The following PLEKHA5 variants were observed in gnomAD, a reference collection of about 807,000 sequenced individuals.
The protein encoded by PLEKHA5 is pleckstrin homology domain containing A5.
In PLEKHA5, 55 loss-of-function variants were observed where a neutral mutation model predicts 181.9. That is an observed-to-expected ratio of 0.30 (90% CI 0.24 to 0.38). The LOEUF is 0.38. PLEKHA5 is among the 10% of genes least tolerant of loss of function. PLEKHA5 has a pLI of 1.00. For missense variants in PLEKHA5, 1,432 were observed against 1,549.5 expected (o/e 0.92, Z 1.27); for synonymous variants, 535 against 529.4 (o/e 1.01, Z -0.15).
At chr12:19,150,525 T>A (rs2040131360) in intron 3 of PLEKHA5, 1 of 152,262 alleles carries the variant, frequency 6.6e-6, no homozygotes, top group Non-Finnish European at 1.5e-5. Context: ...CCTTGTGATA[T>A]GAGCCTCACA....
intron 3 of PLEKHA5, among the ~76,000 whole-genome samples, chr12:19,159,787 T>G (rs372683615): frequency 6.6e-6 from 1 of 152,136 alleles, no homozygotes; most frequent in East Asian, 1.9e-4. Context: ...TTTGAAAAAT[T>G]GAAATAAATA....
At chr12:19,366,593 C>A (rs1037986135) in intron 30 of PLEKHA5, among the ~76,000 whole-genome samples, 8 of 152,084 alleles carry the variant, frequency 5.3e-5, no homozygotes, top group Non-Finnish European at 1.2e-4. Context: ...GCGGAGGTTG[C>A]AGTGAGCCGA....
At chr12:19,253,550 C>A (rs894608702) in intron 3 of PLEKHA5, among the ~76,000 whole-genome samples, 6 of 151,980 alleles carry the variant, frequency 3.9e-5, no homozygotes, top group African/African-American at 9.7e-5. Context: ...GGTGCCGTGT[C>A]TCATGCCTGT....
rs556473272 is a variant in PLEKHA5, at chr12:19,254,543, G to A, written c.312-502G>A. ...CTATTATAAATAAACATGATAGGCCGGGCACAGTGGCTCACGCCTGTAATC... is the reference window on the plus strand; with the variant it reads ...CTATTATAAATAAACATGATAGGCCAGGCACAGTGGCTCACGCCTGTAATC... On this transcript the variant is annotated intron_variant, in intron 4 of 31. Coordinates refer to ENST00000429027, the MANE Select transcript of PLEKHA5 (RefSeq NM_001256470.2). Among the ~76,000 whole-genome samples the A allele has an allele frequency of 1.4e-4, 21 of 152,190 alleles. No individual in the cohort carries two copies. In the South Asian group the frequency reaches 1.5e-3, roughly 11 times the overall value.
intron 20 of PLEKHA5, among the ~76,000 whole-genome samples, chr12:19,328,618 T>C (rs1227624349): frequency 6.6e-6 from 1 of 151,590 alleles, no homozygotes; most frequent in Non-Finnish European, 1.5e-5. Flanking sequence ...GGAATTGCAT[T>C]CTTGATTTGG....
chr12:19,164,508 T>G (rs1204332693), intron 3 of PLEKHA5, among the ~76,000 whole-genome samples: 2 of 152,190 alleles, frequency 1.3e-5, no homozygotes, highest in African/African-American at 4.8e-5. Context: ...CCAGATTATT[T>G]TTTTAATAGC....
Position 19,129,784 on chromosome 12 carries a change from C to T in PLEKHA5, c.-16C>T, listed in dbSNP as rs761278191. On this transcript the variant is annotated 5_prime_UTR_variant, in exon 1 of 32. Transcript: ENST00000429027. ...CGGCAGCAGGAGAAGGCGGCGGCGG[C>T]GGCTAGGGATCAGACATGGCGGCGG... 1.3e-6 allele frequency: 2 copies of T among 1,582,408 alleles called. No individual in the cohort carries two copies. The highest frequency in any genetic ancestry group is 1.7e-6 in the Non-Finnish European group (2 of 1,162,196).
At chr12:19,229,402 T>C (rs1383432671) in intron 3 of PLEKHA5, among the ~76,000 whole-genome samples, 1 of 152,156 alleles carries the variant, frequency 6.6e-6, no homozygotes, top group Non-Finnish European at 1.5e-5. Flanking sequence ...GTTCGGAGTT[T>C]CTTCCTTCTG....
intron 15 of PLEKHA5, among the ~76,000 whole-genome samples, chr12:19,304,318 T>C (rs2082507387): frequency 6.6e-6 from 1 of 152,118 alleles, no homozygotes; most frequent in African/African-American, 2.4e-5. Context: ...GGCAAGAGAA[T>C]CGATTGAACC....
chr12:19,156,722 A>G (rs1413819152), intron 3 of PLEKHA5, among the ~76,000 whole-genome samples: 1 of 151,880 alleles, frequency 6.6e-6, no homozygotes, highest in Non-Finnish European at 1.5e-5. Flanking sequence ...TAGGTTAAGC[A>G]TTGACTATAT....
At position 19,276,405 on chromosome 12, in the gene PLEKHA5, T is replaced by C. The variant is rs577546392; in HGVS notation, c.1313+1422T>C. Among the ~76,000 whole-genome samples the C allele has an allele frequency of 1.2e-4, 18 of 152,302 alleles. No homozygotes were observed. In the East Asian group the frequency reaches 3.5e-3, roughly 29 times the overall value. On this transcript the variant is annotated intron_variant, in intron 11 of 31. Transcript: ENST00000429027. ...AAACTCGTCTTGCTCAAGATTAAGT[T>C]TGGTGCCGGGCAAGGTGGCTTGAGT...
At chr12:19,184,166 A>G (rs1679782013) in intron 3 of PLEKHA5, among the ~76,000 whole-genome samples, 3 of 152,198 alleles carry the variant, frequency 2.0e-5, no homozygotes, top group South Asian at 4.1e-4. Flanking sequence ...TCCTCGGGGA[A>G]TGGCTATGAA....
rs1322899883 is a variant in PLEKHA5, at chr12:19,320,065, G to A, written c.2154+9G>A. On this transcript the variant is annotated intron_variant, in intron 17 of 31. Coordinates refer to ENST00000429027, the MANE Select transcript of PLEKHA5 (RefSeq NM_001256470.2). ...AGATAAGTCTATATTGTGTATGTGT[G>A]TTTATATATTATATATATGTATACA... 3 of 979,980 alleles carry A rather than the reference G, an allele frequency of 3.1e-6. No individual in the cohort carries two copies. Among genetic ancestry groups the A allele is most frequent in the Non-Finnish European group, 4.5e-6 (3 of 667,518 alleles). The allele number at this position is 979,980 out of a possible 1,614,324, so 60.7% of individuals were successfully genotyped here.
rs1565847943 is a variant in PLEKHA5, at chr12:19,132,380, TG to T, written c.170-12del. 1 of 1,294,496 alleles carries T rather than the reference TG, an allele frequency of 7.7e-7. No homozygotes were observed. Among genetic ancestry groups the T allele is most frequent in the East Asian group, 2.3e-5 (1 of 42,580 alleles). The allele number at this position is 1,294,496 out of a possible 1,614,324, so 80.2% of individuals were successfully genotyped here. A position where few individuals can be genotyped will look rare whatever the true frequency, so the allele number is the denominator to read the frequency against. The stretch of plus-strand genomic sequence containing the variant: ...TTGAAGTAATACTAATTGTAATATA[TG>T]TATTGTTTTAGATTTGCCTACTGGC... On this transcript the variant is annotated splice_polypyrimidine_tract_variant and intron_variant, in intron 2 of 31. Coordinates refer to ENST00000429027, the MANE Select transcript of PLEKHA5 (RefSeq NM_001256470.2).
chr12:19,189,661 G>A (rs1023498464), intron 3 of PLEKHA5, among the ~76,000 whole-genome samples: 3 of 152,130 alleles, frequency 2.0e-5, no homozygotes, highest in African/African-American at 7.2e-5. Context: ...ATACCAGTCT[G>A]CAACTCAGGA....
intron 21 of PLEKHA5, 141 bp from the exon 22 acceptor site, chr12:19,343,182 A>C: frequency 2.0e-6 from 1 of 498,116 alleles, no homozygotes; most frequent in Non-Finnish European, 3.6e-6. Flanking sequence ...GGAGAGTCAC[A>C]TCAATCATAT....
intron 3 of PLEKHA5, among the ~76,000 whole-genome samples, chr12:19,170,799 C>G (rs1380272220): frequency 1.3e-5 from 2 of 152,158 alleles, no homozygotes; most frequent in Non-Finnish European, 2.9e-5. Context: ...GCTGTCTTTT[C>G]TTACATACTT....
chr12:19,177,610 T>C (rs1207854708), intron 3 of PLEKHA5, among the ~76,000 whole-genome samples: 1 of 152,234 alleles, frequency 6.6e-6, no homozygotes, highest in African/African-American at 2.4e-5. Context: ...CTTTTGGTAA[T>C]GTTGCTCAAA....
intron 3 of PLEKHA5, among the ~76,000 whole-genome samples, chr12:19,142,569 A>G (rs1386474827): frequency 6.6e-6 from 1 of 152,216 alleles, no homozygotes; most frequent in East Asian, 1.9e-4. Context: ...ATTCTGTTCT[A>G]TCACAATATA....
Sources: allele counts gnomAD v4.1 joint callset (sites outside exome capture counted in the v4.1 genomes callset), GRCh38; gene constraint gnomAD v4.1.1; transcripts MANE v1.5; gene names NCBI Gene and HGNC (gene_info 2026-07-23, HGNC 2026-07-21).